ASTN2: variants seen among roughly 807,000 people sequenced by gnomAD.
ASTN2 encodes astrotactin-2.
A neutral mutation model predicts 139.8 loss-of-function variants in ASTN2; 54 were observed. The observed-to-expected ratio is 0.39, with a 90% CI of 0.31 to 0.48. The LOEUF (loss-of-function observed/expected upper bound fraction) is 0.48, where lower values mean the gene tolerates loss of function less well. ASTN2 is among the 20% of genes least tolerant of loss of function. The pLI is 0.95. For synonymous variants in ASTN2, 756 were observed against 719.5 expected (o/e 1.05, Z -0.81); for missense variants, 1,565 against 1,725.1 (o/e 0.91, Z 1.64).
chr9:117,161,688 A>C (rs1166908213), intron 3 of ASTN2, among the ~76,000 whole-genome samples: 1 of 152,014 alleles, frequency 6.6e-6, no homozygotes, highest in East Asian at 1.9e-4. Flanking sequence ...ACCCCTGTGC[A>C]GGCTGAAGAG....
At chr9:116,993,672 G>A (rs7048103) in intron 7 of ASTN2, among the ~76,000 whole-genome samples, 22,306 of 146,700 alleles carry the variant, frequency 0.15, 2,089 homozygotes, top group African/African-American at 0.26. Flanking sequence ...ATATAGTAAC[G>A]AAATATATTT....
intron 10 of ASTN2, among the ~76,000 whole-genome samples, chr9:116,939,021 A>G (rs1479377235): frequency 6.6e-6 from 1 of 152,236 alleles, no homozygotes; most frequent in Non-Finnish European, 1.5e-5. Context: ...AAAAAGAAAG[A>G]TGTGTGAAAC....
chr9:116,822,639 A>G lies in ASTN2; in HGVS notation c.2041-1856T>C, dbSNP rs542703735. On this transcript the variant is annotated intron_variant, in intron 11 of 22. Transcript: ENST00000313400. ...TGGTCTCAGTCCTTCCCATCCCCCA[A>G]TGATTCTCTACCACACTTGTTTTTT... Among the ~76,000 whole-genome samples the G allele has an allele frequency of 2.3e-4, 35 of 152,250 alleles. No individual in the cohort carries two copies. In the South Asian group the frequency reaches 2.7e-3, roughly 12 times the overall value.
In ASTN2 at chr9:116,876,365, T is replaced by G. The variant is rs549772755; in HGVS notation, c.1890-12632A>C. ...GGAGGAGCAAAGAAAAGTGGTTTCT[T>G]GAGTTGTAAACTACTCGTGGTGAAG... On this transcript the variant is annotated intron_variant, in intron 10 of 22. Transcript: ENST00000313400. 6.6e-5 allele frequency among the ~76,000 whole-genome samples: 10 copies of G among 152,368 alleles called. No homozygotes were observed. In the East Asian group the frequency reaches 1.9e-3, roughly 29 times the overall value.
intron 19 of ASTN2, among the ~76,000 whole-genome samples, chr9:116,604,170 T>C (rs1466750911): frequency 6.6e-6 from 1 of 152,120 alleles, no homozygotes; most frequent in Non-Finnish European, 1.5e-5. Flanking sequence ...ACCCAGGACA[T>C]AGACCATAGT....
intron 13 of ASTN2, among the ~76,000 whole-genome samples, chr9:116,735,239 C>T (rs1358483411): frequency 6.6e-6 from 1 of 152,126 alleles, no homozygotes; most frequent in Non-Finnish European, 1.5e-5. Context: ...TCTGTGGAGT[C>T]ATCCTTGTTT....
At position 116,977,718 on chromosome 9, in the gene ASTN2, T is replaced by TTC. The variant is rs776701898; in HGVS notation, c.1592-934_1592-933insGA. ...TTAAGGTATAGAATTTCTTTTTCTTTTTTTTTTTTTTTTTGAGACTGAGAG... is the reference window on the plus strand; with the variant it reads ...TTAAGGTATAGAATTTCTTTTTCTTTTCTTTTTTTTTTTTTTGAGACTGAGAG... On this transcript the variant is annotated intron_variant, in intron 7 of 22. Transcript: ENST00000313400. 1.4e-4 allele frequency among the ~76,000 whole-genome samples: 6 copies of TTC among 42,792 alleles called. No individual in the cohort carries two copies. The South Asian group carries it at 5.7e-3, about 41-fold the overall frequency. The allele number at this position is 42,792 out of a possible 152,430, so 28.1% of individuals were successfully genotyped here. A position where few individuals can be genotyped will look rare whatever the true frequency, so the allele number is the denominator to read the frequency against.
At chr9:116,540,898 T>G (rs1030843432) in intron 19 of ASTN2, among the ~76,000 whole-genome samples, 1 of 152,114 alleles carries the variant, frequency 6.6e-6, no homozygotes, top group South Asian at 2.1e-4. Flanking sequence ...TGATTAATAA[T>G]ATTTGAGATA....
chr9:116,425,678 G>A lies in ASTN2; in HGVS notation c.*173C>T. Reference sequence around the variant, plus strand: ...AATGAATAATTCCATTGGTTACAAAGGTCTCTGTCCACTATCCACAGGAGA... The same window carrying A: ...AATGAATAATTCCATTGGTTACAAAAGTCTCTGTCCACTATCCACAGGAGA... On this transcript the variant is annotated 3_prime_UTR_variant, in exon 23 of 23. Transcript: ENST00000313400. 1.2e-6 allele frequency: 2 copies of A among 1,609,180 alleles called. No homozygotes were observed. The highest frequency in any genetic ancestry group is 1.3e-5 in the African/African-American group (1 of 74,564).
chr9:116,581,744 C>T (rs1853961885), intron 19 of ASTN2, among the ~76,000 whole-genome samples: 1 of 152,140 alleles, frequency 6.6e-6, no homozygotes, highest in Non-Finnish European at 1.5e-5. Context: ...TTTCTTCATT[C>T]ATTCATCTCT....
At chr9:117,368,371 A>G (rs1048498161) in intron 1 of ASTN2, among the ~76,000 whole-genome samples, 1 of 152,180 alleles carries the variant, frequency 6.6e-6, no homozygotes, top group Non-Finnish European at 1.5e-5. Context: ...AAACACAAAA[A>G]GAATGTTCCA....
intron 22 of ASTN2, among the ~76,000 whole-genome samples, chr9:116,439,390 C>T (rs112326944): frequency 0.017 from 2,326 of 140,504 alleles, 196 homozygotes; most frequent in African/African-American, 0.064. Flanking sequence ...TTAGTAGAGA[C>T]GGGGTTTCAC....
intron 1 of ASTN2, among the ~76,000 whole-genome samples, chr9:117,316,499 G>C (rs556558402): frequency 6.6e-6 from 1 of 152,236 alleles, no homozygotes; most frequent in Admixed American, 6.5e-5. Context: ...GATGGAAGGG[G>C]TCATGTGACG....
At chr9:116,869,575 G>A (rs553002978) in intron 10 of ASTN2, among the ~76,000 whole-genome samples, 18 of 152,246 alleles carry the variant, frequency 1.2e-4, no homozygotes, top group Non-Finnish European at 2.2e-4. Flanking sequence ...CTTTATTTGG[G>A]AGGAGAAAAG....
intron 1 of ASTN2, among the ~76,000 whole-genome samples, chr9:117,365,044 CAGG>C (rs1829799257): frequency 6.6e-6 from 1 of 150,974 alleles, no homozygotes; most frequent in African/African-American, 2.4e-5. Context: ...TCCAGCTACT[CAGG>C]AGGCTGGGAA....
intron 19 of ASTN2, among the ~76,000 whole-genome samples, chr9:116,590,792 C>T (rs1054103905): frequency 1.1e-4 from 16 of 152,318 alleles, no homozygotes; most frequent in Admixed American, 2.0e-4. Context: ...GGACTATCAG[C>T]TGCAGGATTG....
At chr9:117,014,023 A>AT (rs1255880414) in intron 6 of ASTN2, among the ~76,000 whole-genome samples, 1 of 152,108 alleles carries the variant, frequency 6.6e-6, no homozygotes, top group Non-Finnish European at 1.5e-5. Context: ...AAAAGTTTTC[A>AT]TTTTTATTTT....
At position 116,968,495 on chromosome 9, in the gene ASTN2, AAGAG is replaced by A. The variant is rs562715072; in HGVS notation, c.1889+6709_1889+6712del. ...AGCCCAGGTGGTTAACAGCTGAAAA[AAGAG>A]AGAAAAGAGGAGAGAAAAGAGCATG... On this transcript the variant is annotated intron_variant, in intron 10 of 22. Coordinates refer to ENST00000313400, the MANE Select transcript of ASTN2 (RefSeq NM_001365068.1). Among the ~76,000 whole-genome samples the A allele has an allele frequency of 2.1e-3, 317 of 152,240 alleles. 2 individuals are homozygous for A. The highest frequency in any genetic ancestry group is 3.7e-3 in the Non-Finnish European group (255 of 68,022).
At chr9:117,329,180 C>CTTTTTTTTTTTTTTTTTTT (rs749880987) in intron 1 of ASTN2, among the ~76,000 whole-genome samples, 1 of 82,580 alleles carries the variant, frequency 1.2e-5, no homozygotes, top group Non-Finnish European at 2.3e-5. Context: ...CTTCCAAGTT[C>CTTTTTTTTTTTTTTTTTTT]TTTTTTTTTT....
Sources: allele counts gnomAD v4.1 joint callset (sites outside exome capture counted in the v4.1 genomes callset), GRCh38; gene constraint gnomAD v4.1.1; transcripts MANE v1.5; gene names NCBI Gene and HGNC (gene_info 2026-07-23, HGNC 2026-07-21).